The following MAGI2 variants were observed in gnomAD, a reference collection of about 807,000 sequenced individuals.
MAGI2 encodes the protein membrane-associated guanylate kinase, WW and PDZ domain-containing protein 2.
In MAGI2, 35 loss-of-function variants were observed where a neutral mutation model predicts 133.3. That is an observed-to-expected ratio of 0.26 (90% CI 0.20 to 0.35). MAGI2 has a LOEUF of 0.35. Among genes scored for constraint, MAGI2 ranks in the 10% least tolerant of loss-of-function variants. MAGI2 has a pLI of 1.00. For synonymous variants in MAGI2, 729 were observed against 710.6 expected, an observed-to-expected ratio of 1.03 and a Z score of -0.41; for missense variants, 1,636 against 1,863.4, an observed-to-expected ratio of 0.88 and a Z score of 2.25.
chr7:78,091,614 T>C (rs1399126837), intron 20 of MAGI2, among the ~76,000 whole-genome samples: 2 of 152,176 alleles, frequency 1.3e-5, no homozygotes, highest in Non-Finnish European at 2.9e-5. Flanking sequence ...TTGGGAGGAA[T>C]AGGAATTTAT....
chr7:78,803,089 T>C (rs905535111), intron 2 of MAGI2, among the ~76,000 whole-genome samples: 8 of 152,150 alleles, frequency 5.3e-5, no homozygotes, highest in Non-Finnish European at 8.8e-5. Context: ...TATCATAATA[T>C]ATATAGTTAC....
At chr7:79,201,580 G>A (rs573567385) in intron 1 of MAGI2, among the ~76,000 whole-genome samples, 2 of 151,644 alleles carry the variant, frequency 1.3e-5, no homozygotes, top group Non-Finnish European at 2.9e-5. Flanking sequence ...GAAATTTTGG[G>A]GAGTGCTAGC....
chr7:78,513,021 T>C (rs958475551), intron 4 of MAGI2, among the ~76,000 whole-genome samples: 13 of 152,104 alleles, frequency 8.5e-5, no homozygotes, highest in African/African-American at 3.1e-4. Flanking sequence ...TAACAAACTT[T>C]GGGGTGAAAG....
intron 3 of MAGI2, among the ~76,000 whole-genome samples, chr7:78,606,320 T>C (rs530057466): frequency 7.2e-5 from 11 of 152,272 alleles, no homozygotes; most frequent in Admixed American, 2.0e-4. Flanking sequence ...CTGGTGTATG[T>C]GGACACTGGG....
At chr7:79,148,008 G>A (rs913338762) in intron 1 of MAGI2, among the ~76,000 whole-genome samples, 1 of 152,166 alleles carries the variant, frequency 6.6e-6, no homozygotes, top group Non-Finnish European at 1.5e-5. Flanking sequence ...GTTGAGAGAT[G>A]GAATGGAGGC....
intron 15 of MAGI2, among the ~76,000 whole-genome samples, chr7:78,166,868 G>T (rs568310738): frequency 6.6e-6 from 1 of 152,218 alleles, no homozygotes; most frequent in East Asian, 1.9e-4. Context: ...GTAACATAAA[G>T]AAATAAGCAC....
At chr7:78,892,299 AC>A (rs1796832694) in intron 2 of MAGI2, among the ~76,000 whole-genome samples, 1 of 152,182 alleles carries the variant, frequency 6.6e-6, no homozygotes. Context: ...AAATGGCCAT[AC>A]TGCCCAAGGT....
At chr7:78,423,686 T>C (rs542810937) in intron 6 of MAGI2, among the ~76,000 whole-genome samples, 1 of 152,142 alleles carries the variant, frequency 6.6e-6, no homozygotes, top group Admixed American at 6.5e-5. Flanking sequence ...TGGTCTCAGA[T>C]AGAGATGAGG....
intron 3 of MAGI2, among the ~76,000 whole-genome samples, chr7:78,594,670 A>T (rs1241807199): frequency 1.3e-5 from 2 of 151,936 alleles, no homozygotes; most frequent in Non-Finnish European, 2.9e-5. Context: ...GTTGGCCAGG[A>T]TGGTCTTGAT....
chr7:78,274,806 T>C (rs1056196273), intron 9 of MAGI2, among the ~76,000 whole-genome samples: 3 of 152,136 alleles, frequency 2.0e-5, no homozygotes, highest in Non-Finnish European at 2.9e-5. Flanking sequence ...AGCTCAAGCG[T>C]CCCAGGTCAG....
intron 20 of MAGI2, among the ~76,000 whole-genome samples, chr7:78,098,019 ATG>A (rs772040249): frequency 2.0e-5 from 3 of 152,120 alleles, no homozygotes; most frequent in Non-Finnish European, 4.4e-5. Context: ...TGTAATATTC[ATG>A]TGTTATTAAA....
chr7:79,449,352 A>AT (rs1169664384), intron 1 of MAGI2, among the ~76,000 whole-genome samples: 2 of 87,796 alleles, frequency 2.3e-5, no homozygotes, highest in Non-Finnish European at 5.8e-5. Context: ...GAAGAATTAG[A>AT]ATTTTTTTTT....
Position 78,019,744 on chromosome 7 carries a change from C to T in MAGI2, c.3939G>A (p.Gln1313=), listed in dbSNP as rs1808135280. 1.2e-6 allele frequency: 2 copies of T among 1,611,362 alleles called. No individual in the cohort carries two copies. Among genetic ancestry groups the T allele is most frequent in the Non-Finnish European group, 1.7e-6 (2 of 1,179,514 alleles). ...TCTGCGGACTCGCCGAGCGCTCCCT[C>T]TGCTCCCCGAGGCGCTGCTTCTTCT... is the stretch of plus-strand genomic sequence containing the variant. ...CGQKKQRLGE[Q]RERSASPQRA... Residue 1313 remains glutamine, a synonymous_variant, in exon 22 of 22, where the codon CAG becomes CAA. Coordinates refer to ENST00000354212, the MANE Select transcript of MAGI2 (RefSeq NM_012301.4).
At chr7:78,190,440 A>G (rs1828093596) in intron 12 of MAGI2, among the ~76,000 whole-genome samples, 1 of 152,226 alleles carries the variant, frequency 6.6e-6, no homozygotes. Flanking sequence ...TTCCTTGAAT[A>G]GAGTATATAA....
At chr7:78,803,343 C>T (rs2151389625) in intron 2 of MAGI2, among the ~76,000 whole-genome samples, 1 of 152,248 alleles carries the variant, frequency 6.6e-6, no homozygotes, top group Non-Finnish European at 1.5e-5. Flanking sequence ...CATAAAAATA[C>T]TTTGATGTTG....
chr7:78,688,401 G>A (rs556758807), intron 2 of MAGI2, among the ~76,000 whole-genome samples: 1 of 152,148 alleles, frequency 6.6e-6, no homozygotes, highest in South Asian at 2.1e-4. Flanking sequence ...TAAATACTAT[G>A]TTTCAATATG....
At chr7:79,180,517 C>A (rs1197652074) in intron 1 of MAGI2, among the ~76,000 whole-genome samples, 4 of 151,932 alleles carry the variant, frequency 2.6e-5, no homozygotes, top group Non-Finnish European at 5.9e-5. Context: ...CATGAGAACA[C>A]AACAGAAAAG....
intron 2 of MAGI2, among the ~76,000 whole-genome samples, chr7:78,972,581 G>A (rs546177666): frequency 8.6e-5 from 13 of 151,756 alleles, no homozygotes; most frequent in African/African-American, 1.2e-4. Flanking sequence ...GTGCAGAATT[G>A]AGGTAGATTT....
chr7:78,384,748 T>G (rs1676328318), intron 6 of MAGI2, among the ~76,000 whole-genome samples: 1 of 152,194 alleles, frequency 6.6e-6, no homozygotes, highest in Admixed American at 6.6e-5. Context: ...AAAATTTACC[T>G]TTATTATATT....
Sources: allele counts gnomAD v4.1 joint callset (sites outside exome capture counted in the v4.1 genomes callset), GRCh38; gene constraint gnomAD v4.1.1; transcripts MANE v1.5; gene names NCBI Gene and HGNC (gene_info 2026-07-23, HGNC 2026-07-21).